Variants in NOVA1 observed in about 807,000 individuals in gnomAD.
NOVA1 encodes NOVA alternative splicing regulator 1.
A neutral mutation model predicts 38.0 loss-of-function variants in NOVA1; 7 were observed. The observed-to-expected ratio is 0.18, with a 90% CI of 0.10 to 0.35. NOVA1 has a LOEUF of 0.35. Ranked by LOEUF, NOVA1 falls within the 10% of genes least tolerant of loss-of-function variation. NOVA1 has a pLI of 1.00. For missense variants in NOVA1, 460 were observed against 616.0 expected (o/e 0.75, Z 2.68); for synonymous variants, 270 against 232.5 (o/e 1.16, Z -1.47).
Position 26,595,268 on chromosome 14 carries a change from T to A in NOVA1, c.280+142A>T, listed in dbSNP as rs1894117077. 3 of 703,300 alleles carry A rather than the reference T, an allele frequency of 4.3e-6. No homozygotes were observed. The Admixed American group carries it at 8.7e-5, about 20-fold the overall frequency. The allele number at this position is 703,300 out of a possible 1,614,324, so 43.6% of individuals were successfully genotyped here. A position where few individuals can be genotyped will look rare whatever the true frequency, so the allele number is the denominator to read the frequency against. ...ACAATAGAAATAATCTGAAAATTTT[T>A]CCACAATATATTCCTATAAAGCAAT... is the stretch of plus-strand genomic sequence containing the variant. On this transcript the variant is annotated intron_variant, in intron 2 of 4. Transcript: ENST00000539517.
intron 2 of NOVA1, among the ~76,000 whole-genome samples, chr14:26,499,897 T>C (rs545342008): frequency 6.6e-6 from 1 of 152,278 alleles, no homozygotes; most frequent in South Asian, 2.1e-4. Context: ...TTGTTAATAC[T>C]ATAAATACTA....
intron 2 of NOVA1, among the ~76,000 whole-genome samples, chr14:26,505,550 G>A (rs1024783183): frequency 2.0e-5 from 3 of 152,062 alleles, no homozygotes; most frequent in African/African-American, 2.4e-5. Context: ...CCCAGTCTCA[G>A]GTAGTTGTTT....
At chr14:26,546,209 G>A (rs1329392796) in intron 2 of NOVA1, among the ~76,000 whole-genome samples, 2 of 151,924 alleles carry the variant, frequency 1.3e-5, no homozygotes, top group Admixed American at 1.3e-4. Context: ...ATAAGAAATG[G>A]TGTATAAAAT....
intron 2 of NOVA1, among the ~76,000 whole-genome samples, chr14:26,528,594 TG>T (rs553910374): frequency 2.8e-3 from 422 of 151,490 alleles, no homozygotes; most frequent in Non-Finnish European, 4.4e-3. Context: ...ACACCCAGGG[TG>T]GGTAGAAGAA....
intron 4 of NOVA1, among the ~76,000 whole-genome samples, chr14:26,451,039 G>T (rs1469088424): frequency 6.6e-6 from 1 of 152,084 alleles, no homozygotes; most frequent in East Asian, 1.9e-4. Flanking sequence ...TTTGTTCAGT[G>T]TAATGGTTTC....
chr14:26,549,930 G>A (rs1891063399), intron 2 of NOVA1: 1 of 289,476 alleles, frequency 3.5e-6, no homozygotes, highest in Non-Finnish European at 7.4e-6. Flanking sequence ...GTGGCTGTCT[G>A]AAAACTTTGC....
chr14:26,586,571 C>G (rs1893525136), intron 2 of NOVA1, among the ~76,000 whole-genome samples: 1 of 150,800 alleles, frequency 6.6e-6, no homozygotes, highest in Non-Finnish European at 1.5e-5. Context: ...TTAACTTAGC[C>G]TACTTTTTTA....
chr14:26,513,240 C>T (rs1257613673), intron 2 of NOVA1, among the ~76,000 whole-genome samples: 1 of 151,740 alleles, frequency 6.6e-6, no homozygotes, highest in Non-Finnish European at 1.5e-5. Flanking sequence ...ATGTAATAGG[C>T]TCAAATTAAT....
chr14:26,525,741 C>T (rs989277212), intron 2 of NOVA1, among the ~76,000 whole-genome samples: 1 of 152,068 alleles, frequency 6.6e-6, no homozygotes, highest in African/African-American at 2.4e-5. Context: ...AGTATTCTCC[C>T]TTTACAAGTT....
At chr14:26,491,339 G>A (rs1268279253) in intron 2 of NOVA1, among the ~76,000 whole-genome samples, 2 of 152,002 alleles carry the variant, frequency 1.3e-5, no homozygotes, top group African/African-American at 4.8e-5. Flanking sequence ...ATATATTCTG[G>A]ATATTAAAGT....
Position 26,448,224 on chromosome 14 carries a change from G to C in NOVA1, c.1259C>G (p.Ser420Cys). 3.1e-6 allele frequency: 5 copies of C among 1,614,170 alleles called. No homozygotes were observed. The highest frequency in any genetic ancestry group is 4.2e-6 in the Non-Finnish European group (5 of 1,180,036). The change falls in exon 5 of 5, where the codon TCC becomes TGC. Residue 420 changes from serine to cysteine, a missense_variant. Transcript: ENST00000539517. The surrounding 1 kb of genome is among the most constrained non-coding windows in gnomAD (Gnocchi z 5.3). The part of the protein sequence containing the change: ...ILGTEKSTDG[S>C]KDVVEIAVPE... ...CACTGCTATTTCAACTACATCCTTG[G>C]ATCCATCTGTGGACTTTTCTGTTCC...
At chr14:26,563,915 G>A (rs1261594452) in intron 2 of NOVA1, among the ~76,000 whole-genome samples, 1 of 152,032 alleles carries the variant, frequency 6.6e-6, no homozygotes, top group Non-Finnish European at 1.5e-5. Flanking sequence ...TCATCCGGTG[G>A]TTTTCAGGTT....
chr14:26,472,950 C>T (rs1884702869), intron 3 of NOVA1, among the ~76,000 whole-genome samples: 1 of 151,924 alleles, frequency 6.6e-6, no homozygotes, highest in African/African-American at 2.4e-5. Flanking sequence ...CTTAATATCA[C>T]ATTATCTTCT....
chr14:26,597,510 T>A lies in NOVA1; in HGVS notation c.-74A>T. Reference sequence around the variant, plus strand: ...TTGGCTTTTTCTTTTCTTTTTTCTTTTTTTTTTTTTTTTTTTTTTGCGTTT... The same window carrying A: ...TTGGCTTTTTCTTTTCTTTTTTCTTATTTTTTTTTTTTTTTTTTTGCGTTT... On this transcript the variant is annotated 5_prime_UTR_variant, in exon 1 of 5. Coordinates refer to ENST00000539517, the MANE Select transcript of NOVA1 (RefSeq NM_002515.3). The A allele has an allele frequency of 9.0e-6, 8 of 892,892 alleles. No homozygotes were observed. Among genetic ancestry groups the A allele is most frequent in the East Asian group, 5.8e-5 (1 of 17,332 alleles). The allele number at this position is 892,892 out of a possible 1,614,324, so 55.3% of individuals were successfully genotyped here. A position where few individuals can be genotyped will look rare whatever the true frequency, so the allele number is the denominator to read the frequency against.
At chr14:26,458,281 AACT>A (rs1883345047) in intron 4 of NOVA1, among the ~76,000 whole-genome samples, 1 of 152,128 alleles carries the variant, frequency 6.6e-6, no homozygotes, top group Non-Finnish European at 1.5e-5. Flanking sequence ...TTTCTCAAAG[AACT>A]TAAAACAGAG....
intron 4 of NOVA1, among the ~76,000 whole-genome samples, chr14:26,470,965 G>A (rs932706614): frequency 5.9e-5 from 9 of 152,070 alleles, no homozygotes; most frequent in African/African-American, 2.2e-4. Context: ...TAAAAGACAA[G>A]GTATGTAGAG....
intron 2 of NOVA1, among the ~76,000 whole-genome samples, chr14:26,509,926 C>T (rs1279630212): frequency 6.6e-6 from 1 of 152,096 alleles, no homozygotes; most frequent in South Asian, 2.1e-4. Flanking sequence ...GTGATATGCC[C>T]GCCTCAGCCT....
intron 2 of NOVA1, among the ~76,000 whole-genome samples, chr14:26,565,472 CTCTT>C (rs1400996258): frequency 6.6e-6 from 1 of 152,132 alleles, no homozygotes; most frequent in Non-Finnish European, 1.5e-5. Flanking sequence ...GTCCACCACT[CTCTT>C]TCCTTTTCTT....
At chr14:26,469,893 G>A (rs1884446921) in intron 4 of NOVA1, among the ~76,000 whole-genome samples, 1 of 152,110 alleles carries the variant, frequency 6.6e-6, no homozygotes, top group Non-Finnish European at 1.5e-5. Context: ...GAGCCACCAT[G>A]CCATCATTTT....
Sources: allele counts gnomAD v4.1 joint callset (sites outside exome capture counted in the v4.1 genomes callset), GRCh38; gene constraint gnomAD v4.1.1; non-coding constraint Gnocchi (gnomAD v3.1); transcripts MANE v1.5; gene names NCBI Gene and HGNC (gene_info 2026-07-23, HGNC 2026-07-21).